KYAT3: variants seen among roughly 807,000 people sequenced by gnomAD.
KYAT3 encodes kynurenine aminotransferase 3, also known as kynurenine--oxoglutarate transaminase 3.
KYAT3 carries 50 observed loss-of-function variants against 59.0 expected under a neutral mutation model. That is an observed-to-expected ratio of 0.85 (90% CI 0.68 to 1.07). The LOEUF (loss-of-function observed/expected upper bound fraction) is 1.07. Among genes scored for constraint, KYAT3 ranks in the 50% least tolerant of loss-of-function variants. KYAT3 has a pLI of 0.00. For synonymous variants in KYAT3, 148 were observed against 177.0 expected, an observed-to-expected ratio of 0.84 and a Z score of 1.30; for missense variants, 497 against 533.3, an observed-to-expected ratio of 0.93 and a Z score of 0.67.
chr1:88,977,107 C>T lies in KYAT3; in HGVS notation c.100-7640G>A, dbSNP rs372027442. Among the ~76,000 whole-genome samples, 12 of 152,258 alleles carry T rather than the reference C, an allele frequency of 7.9e-5. 1 individual carries two copies. The highest frequency in any genetic ancestry group is 2.2e-4 in the African/African-American group (9 of 41,564). On this transcript the variant is annotated intron_variant, in intron 2 of 13. Coordinates refer to ENST00000260508, the MANE Select transcript of KYAT3 (RefSeq NM_001008661.3). ...TCGGCTTACCACAACCTCTGCCTCC[C>T]GGGTTCAAGCGATTCTCCTGCCTCA...
At chr1:88,947,797 T>C (rs1675500821) in intron 11 of KYAT3, among the ~76,000 whole-genome samples, 1 of 152,156 alleles carries the variant, frequency 6.6e-6, no homozygotes, top group Non-Finnish European at 1.5e-5. Flanking sequence ...CAAATGCTTA[T>C]AGTAAGAAAG....
intron 8 of KYAT3, among the ~76,000 whole-genome samples, chr1:88,955,724 A>G (rs571372327): frequency 6.6e-6 from 1 of 152,194 alleles, no homozygotes; most frequent in Non-Finnish European, 1.5e-5. Context: ...CACTAGCAAT[A>G]TCAGCATCAC....
chr1:88,937,975 T>C (rs1456104419), intron 13 of KYAT3, among the ~76,000 whole-genome samples: 2 of 152,160 alleles, frequency 1.3e-5, no homozygotes, highest in Non-Finnish European at 2.9e-5. Context: ...TTAATTATTA[T>C]AAAAAGGACA....
chr1:88,922,973 G>C, the KYAT3 span, among the ~76,000 whole-genome samples: 7 of 152,138 alleles, frequency 4.6e-5, no homozygotes, highest in Admixed American at 2.6e-4. Flanking sequence ...CAGCCATGTT[G>C]CTATCACTAG....
downstream of KYAT3, among the ~76,000 whole-genome samples, chr1:88,933,546 A>G (rs191303143): frequency 2.0e-5 from 3 of 152,080 alleles, no homozygotes; most frequent in African/African-American, 7.3e-5. Flanking sequence ...AGGTTAGTAG[A>G]TAGACTCAAT....
chr1:88,963,030 T>C (rs976217419), intron 5 of KYAT3, among the ~76,000 whole-genome samples: 6 of 151,914 alleles, frequency 3.9e-5, no homozygotes, highest in Admixed American at 1.3e-4. Context: ...CTCACTATTT[T>C]AGGTGCTGGC....
At chr1:88,953,013 T>C (rs751807435) in intron 10 of KYAT3, 50 bp downstream of exon 10, 6 of 1,112,232 alleles carry the variant, frequency 5.4e-6, no homozygotes, top group Non-Finnish European at 6.9e-6. Context: ...ATAAAAGTAA[T>C]ACCTTCACCA....
chr1:88,989,332 T>C (rs1017123742), intron 1 of KYAT3, among the ~76,000 whole-genome samples: 1 of 152,210 alleles, frequency 6.6e-6, no homozygotes, highest in Non-Finnish European at 1.5e-5. Flanking sequence ...AACCTATTAA[T>C]GTGATTCACC....
intron 2 of KYAT3, chr1:88,980,410 C>T (rs1215873921): frequency 6.6e-6 from 1 of 150,654 alleles, no homozygotes; most frequent in African/African-American, 2.5e-5. Context: ...ACAAAATTAT[C>T]TCATAGATTT....
At chr1:88,958,460 C>G (rs947682576) in intron 8 of KYAT3, among the ~76,000 whole-genome samples, 2 of 151,672 alleles carry the variant, frequency 1.3e-5, no homozygotes, top group Non-Finnish European at 2.9e-5. Flanking sequence ...ACCATTTCTC[C>G]TGTTTTGTTA....
At chr1:88,979,444 T>C (rs1157176210) in intron 2 of KYAT3, 1 of 152,184 alleles carries the variant, frequency 6.6e-6, no homozygotes, top group Non-Finnish European at 1.5e-5. Flanking sequence ...AAGAAAAGTA[T>C]TTACGAACAT....
the KYAT3 span, among the ~76,000 whole-genome samples, chr1:88,929,425 AT>A: frequency 3.9e-5 from 6 of 152,128 alleles, no homozygotes; most frequent in East Asian, 1.2e-3. Flanking sequence ...ATCCCTGTAC[AT>A]CCTGACTCTC....
Position 88,968,677 on chromosome 1 carries a change from C to T in KYAT3, c.296G>A (p.Arg99Gln), listed in dbSNP as rs1380221543. Reference sequence around the variant, plus strand: ...TGGTCTTGATATACTTACAAAGCCTCGTGTATACTGATTCAGGCTATCGAT... The same window carrying T: ...TGGTCTTGATATACTTACAAAGCCTTGTGTATACTGATTCAGGCTATCGAT... Reference protein sequence around the residue: ...AAIDSLNQYTRGFGHPSLVKA... With the variant: ...AAIDSLNQYTQGFGHPSLVKA... The change falls in exon 4 of 14, where the codon CGA (arginine) becomes CAA (glutamine). Residue 99 changes from arginine (R) to glutamine (Q), a missense_variant. By Grantham distance (43) the Arg-to-Gln change is conservative (BLOSUM62 1). Around this residue, in one of 2 missense-constraint regions of KYAT3, gnomAD observed 469 missense variants for 479.1 expected, o/e 0.98. Coordinates refer to ENST00000260508, the MANE Select transcript of KYAT3 (RefSeq NM_001008661.3). 7 of 1,578,018 alleles carry T rather than the reference C, an allele frequency of 4.4e-6. No individual in the cohort carries two copies. The highest frequency in any genetic ancestry group is 2.3e-5 in the East Asian group (1 of 43,512).
chr1:88,961,179 G>GC lies in KYAT3; in HGVS notation c.774dup (p.His259AlafsTer70). ...TTATAGTTGGTACCTATTTTTAAGTGCTTATTTCCAGAATATACAAGCCAT... is the reference window on the plus strand; with the variant it reads ...TTATAGTTGGTACCTATTTTTAAGTGCCTTATTTCCAGAATATACAAGCCAT... On this transcript the variant is annotated frameshift_variant, in exon 8 of 14. Transcript: ENST00000260508. LOFTEE classifies it high-confidence loss of function. The GC allele has an allele frequency of 1.9e-6, 3 of 1,613,268 alleles. No homozygotes were observed. Among genetic ancestry groups the GC allele is most frequent in the Non-Finnish European group, 2.5e-6 (3 of 1,179,762 alleles).
chr1:88,926,135 C>T, the KYAT3 span, among the ~76,000 whole-genome samples: 2 of 152,184 alleles, frequency 1.3e-5, no homozygotes, highest in Non-Finnish European at 2.9e-5. Flanking sequence ...TCAGAACTAT[C>T]GTAAGTCAAA....
Position 88,961,061 on chromosome 1 carries a change from C to T in KYAT3, c.787+106G>A, listed in dbSNP as rs1377060714. On this transcript the variant is annotated intron_variant, in intron 8 of 13. Transcript: ENST00000260508. ...TTTAAAGTGTTCATACAGACAGATA[C>T]CCATTACAAAGACTGTTTTAGAGTT... 8 of 1,049,002 alleles carry T rather than the reference C, an allele frequency of 7.6e-6. No individual in the cohort carries two copies. In the East Asian group the frequency reaches 1.9e-4, roughly 25 times the overall value. 65.0% of individuals were successfully genotyped at this position (1,049,002 alleles called of 1,614,324 possible).
intron 2 of KYAT3, among the ~76,000 whole-genome samples, chr1:88,973,513 C>G (rs755037316): frequency 6.6e-6 from 1 of 152,022 alleles, no homozygotes; most frequent in Admixed American, 6.5e-5. Context: ...GGCATGAGTC[C>G]CAGGCAAGTA....
At chr1:88,925,087 T>C in the KYAT3 span, among the ~76,000 whole-genome samples, 1 of 152,182 alleles carries the variant, frequency 6.6e-6, no homozygotes, top group Non-Finnish European at 1.5e-5. Flanking sequence ...CACTTTCACT[T>C]GCTATTCTGT....
the KYAT3 span, among the ~76,000 whole-genome samples, chr1:88,930,731 T>C: frequency 1.3e-5 from 2 of 152,006 alleles, no homozygotes; most frequent in South Asian, 4.1e-4. Context: ...TGCAGCAATA[T>C]AGAGAGAAAG....
Sources: gnomAD v4.1 joint callset for allele counts (sites outside exome capture counted in the v4.1 genomes callset) on GRCh38, gnomAD v4.1.1 for gene constraint, gnomAD v4.1.1 regional missense constraint, MANE v1.5 for transcripts, NCBI Gene and HGNC (gene_info 2026-07-23, HGNC 2026-07-21) for gene names.